Variants in PDZRN4 observed in about 807,000 individuals in gnomAD.
PDZRN4 encodes PDZ domain-containing RING finger protein 4.
PDZRN4 carries 70 observed loss-of-function variants against 99.0 expected under a neutral mutation model. The observed-to-expected ratio is 0.71, with a 90% CI of 0.58 to 0.86. The LOEUF (loss-of-function observed/expected upper bound fraction) is 0.86. PDZRN4 is among the 40% of genes least tolerant of loss of function. The probability of loss-of-function intolerance (pLI) is 0.00; values close to 1 mark genes in which losing one functional copy is unlikely to be tolerated. For missense variants in PDZRN4, 1,474 were observed against 1,331.2 expected (o/e 1.11, Z -1.67); for synonymous variants, 551 against 501.6 (o/e 1.10, Z -1.32).
intron 3 of PDZRN4, among the ~76,000 whole-genome samples, chr12:41,241,621 A>G (rs187969502): frequency 6.6e-6 from 1 of 152,358 alleles, no homozygotes; most frequent in Admixed American, 6.5e-5. Context: ...TAAATAATAC[A>G]GTAAATATTG....
chr12:41,188,826 G>T lies in PDZRN4; in HGVS notation c.371G>T (p.Gly124Val). ...GGGGGCTGCGCTTCGGGGCTGGGCGGTGGTGAGGTGCCCGCGCGGGGGGGC... is the reference window on the plus strand; with the variant it reads ...GGGGGCTGCGCTTCGGGGCTGGGCGTTGGTGAGGTGCCCGCGCGGGGGGGC... ...SRGGCASGLGGGEVPARGGCG... is the reference protein window; with the variant it reads ...SRGGCASGLGVGEVPARGGCG... The change falls in exon 1 of 10, where the codon GGT becomes GTT. Residue 124 changes from glycine (G) to valine (V), a missense_variant. Transcript: ENST00000402685. 1 of 1,288,824 alleles carries T rather than the reference G, an allele frequency of 7.8e-7. No homozygotes were observed. The highest frequency in any genetic ancestry group is 1.6e-5 in the African/African-American group (1 of 64,244). 79.8% of individuals were successfully genotyped at this position (1,288,824 alleles called of 1,614,324 possible).
chr12:41,264,222 T>C (rs1951262451), intron 3 of PDZRN4, among the ~76,000 whole-genome samples: 1 of 152,186 alleles, frequency 6.6e-6, no homozygotes, highest in Non-Finnish European at 1.5e-5. Context: ...CTAATTATTC[T>C]CTAATTGCAA....
intron 3 of PDZRN4, among the ~76,000 whole-genome samples, chr12:41,211,090 G>A (rs190712691): frequency 1.3e-5 from 2 of 152,042 alleles, no homozygotes; most frequent in South Asian, 2.1e-4. Flanking sequence ...AGTGTTTCAC[G>A]CCCTCAGGAA....
rs886936005 is a variant in PDZRN4, at chr12:41,310,505, C to T, written c.843+116317C>T. On this transcript the variant is annotated intron_variant, in intron 3 of 9. Coordinates refer to ENST00000402685, the MANE Select transcript of PDZRN4 (RefSeq NM_001164595.2). ...TTCCACACTTGCGAAGAGGATTTAG[C>T]CTGGATCACAGTTTCATTTGCAAAT... 4.6e-5 allele frequency among the ~76,000 whole-genome samples: 7 copies of T among 152,074 alleles called. No homozygotes were observed. In the South Asian group the frequency reaches 1.5e-3, roughly 32 times the overall value.
At chr12:41,246,309 T>G (rs1359600122) in intron 3 of PDZRN4, among the ~76,000 whole-genome samples, 1 of 152,196 alleles carries the variant, frequency 6.6e-6, no homozygotes, top group Admixed American at 6.5e-5. Context: ...GACAGGGTAT[T>G]TCAACTGTAC....
At chr12:41,315,266 C>G (rs1951630836) in intron 3 of PDZRN4, among the ~76,000 whole-genome samples, 1 of 152,154 alleles carries the variant, frequency 6.6e-6, no homozygotes, top group Admixed American at 6.6e-5. Flanking sequence ...ACCTCCTCTG[C>G]TGACCAGTAT....
rs536609512 is a variant in PDZRN4 at position 41,370,082 on chromosome 12, T to G, written c.844-136374T>G. The stretch of plus-strand genomic sequence containing the variant: ...TACACATTATTTCTATCTATTAATT[T>G]CCCCCTTGTTTAAAATGCCCCTAAA... On this transcript the variant is annotated intron_variant, in intron 3 of 9. Transcript: ENST00000402685. Among the ~76,000 whole-genome samples the G allele has an allele frequency of 1.2e-3, 186 of 152,050 alleles. 6 individuals carry two copies. In the South Asian group the frequency reaches 0.038, roughly 31 times the overall value.
At chr12:41,238,845 T>C (rs1951085731) in intron 3 of PDZRN4, among the ~76,000 whole-genome samples, 1 of 152,134 alleles carries the variant, frequency 6.6e-6, no homozygotes, top group Non-Finnish European at 1.5e-5. Context: ...GAAAAGGGAA[T>C]GCTTTTACAC....
At chr12:41,199,109 A>G (rs1950797826) in intron 3 of PDZRN4, among the ~76,000 whole-genome samples, 1 of 152,190 alleles carries the variant, frequency 6.6e-6, no homozygotes, top group Non-Finnish European at 1.5e-5. Flanking sequence ...CTACCTCTGT[A>G]TATACCTAAT....
intron 3 of PDZRN4, among the ~76,000 whole-genome samples, chr12:41,210,344 T>C (rs1950880162): frequency 6.6e-6 from 1 of 152,120 alleles, no homozygotes; most frequent in African/African-American, 2.4e-5. Context: ...AGAAGCTCTT[T>C]AGTTTAATTA....
At chr12:41,487,873 A>T (rs1366345179) in intron 3 of PDZRN4, among the ~76,000 whole-genome samples, 1 of 152,224 alleles carries the variant, frequency 6.6e-6, no homozygotes, top group Admixed American at 6.5e-5. Context: ...AACTTAAGAA[A>T]GTAGTTCTTC....
At chr12:41,194,791 C>T (rs890412019) in intron 3 of PDZRN4, among the ~76,000 whole-genome samples, 4 of 152,108 alleles carry the variant, frequency 2.6e-5, no homozygotes, top group Non-Finnish European at 5.9e-5. Context: ...ATGTCACTTG[C>T]TTGATTATTA....
chr12:41,361,952 G>A (rs776076164), intron 3 of PDZRN4, among the ~76,000 whole-genome samples: 1 of 152,016 alleles, frequency 6.6e-6, no homozygotes, highest in Non-Finnish European at 1.5e-5. Flanking sequence ...GTGACATTGA[G>A]ATGGATGAAG....
chr12:41,241,912 G>C (rs1021916119), intron 3 of PDZRN4, among the ~76,000 whole-genome samples: 1 of 152,208 alleles, frequency 6.6e-6, no homozygotes, highest in Non-Finnish European at 1.5e-5. Context: ...TTTGGTCTAA[G>C]ATGAGCAACA....
At chr12:41,407,447 T>C (rs1952358148) in intron 3 of PDZRN4, among the ~76,000 whole-genome samples, 2 of 152,164 alleles carry the variant, frequency 1.3e-5, no homozygotes, top group African/African-American at 4.8e-5. Context: ...AAAATACTTG[T>C]AGGACCTAAC....
Position 41,573,571 on chromosome 12 carries a change from C to A in PDZRN4, c.2792C>A (p.Thr931Asn), listed in dbSNP as rs750836776. The A allele has an allele frequency of 6.2e-7, 1 of 1,612,978 alleles. No individual in the cohort carries two copies. Among genetic ancestry groups the A allele is most frequent in the Non-Finnish European group, 8.5e-7 (1 of 1,179,690 alleles). Residue 931 changes from threonine to asparagine, a missense_variant, in exon 10 of 10, where the codon ACC becomes AAC. Coordinates refer to ENST00000402685, the MANE Select transcript of PDZRN4 (RefSeq NM_001164595.2). ...AGTGGCATGACCACAGACGATGACA[C>A]CATGAGCGAGATGAAAATGGGGCGC... ...ERSGMTTDDD[T>N]MSEMKMGRYW...
intron 3 of PDZRN4, among the ~76,000 whole-genome samples, chr12:41,322,820 T>C (rs10880032): frequency 0.67 from 102,409 of 151,972 alleles, 37,576 homozygotes; most frequent in Middle Eastern, 0.83. Flanking sequence ...TTATTGGAAA[T>C]ATCTTCATTT....
intron 3 of PDZRN4, among the ~76,000 whole-genome samples, chr12:41,231,628 T>G (rs1228662609): frequency 6.6e-6 from 1 of 152,144 alleles, no homozygotes; most frequent in Non-Finnish European, 1.5e-5. Flanking sequence ...TGTTTCAAAA[T>G]TATATTAGTT....
At chr12:41,368,506 A>G (rs1952018302) in intron 3 of PDZRN4, among the ~76,000 whole-genome samples, 2 of 152,074 alleles carry the variant, frequency 1.3e-5, no homozygotes, top group South Asian at 4.1e-4. Context: ...GGAATTATAT[A>G]CACGCACATA....
Sources: allele counts gnomAD v4.1 joint callset (sites outside exome capture counted in the v4.1 genomes callset), GRCh38; gene constraint gnomAD v4.1.1; transcripts MANE v1.5; gene names NCBI Gene and HGNC (gene_info 2026-07-23, HGNC 2026-07-21).